ECE1: variants seen among roughly 807,000 people sequenced by gnomAD.
The protein encoded by ECE1 is endothelin converting enzyme 1, also known as endothelin-converting enzyme 1.
ECE1 carries 35 observed loss-of-function variants against 98.6 expected under a neutral mutation model. The ratio of observed to expected loss-of-function variants is 0.35; its 90% CI spans 0.27 to 0.47. ECE1 has a LOEUF of 0.47. Ranked by LOEUF, ECE1 falls within the 20% of genes least tolerant of loss-of-function variation. The probability of loss-of-function intolerance (pLI) is 1.00; values close to 1 mark genes in which losing one functional copy is unlikely to be tolerated. For missense variants in ECE1, 814 were observed against 1,025.3 expected (o/e 0.79, Z 2.81); for synonymous variants, 394 against 407.1 (o/e 0.97, Z 0.39).
rs540997474 is a variant in ECE1, at chr1:21,340,936, A to C, written c.3+4440T>G. Among the ~76,000 whole-genome samples the C allele has an allele frequency of 1.3e-5, 1 of 74,764 alleles. No individual in the cohort carries two copies. The highest frequency in any genetic ancestry group is 2.4e-4 in the East Asian group (1 of 4,206). The allele number at this position is 74,764 out of a possible 152,430, so 49.0% of individuals were successfully genotyped here. A position where few individuals can be genotyped will look rare whatever the true frequency, so the allele number is the denominator to read the frequency against. On this transcript the variant is annotated intron_variant, in intron 1 of 18. Coordinates refer to the ECE1 transcript ENST00000415912. The surrounding 1 kb of genome is among the most constrained non-coding windows in gnomAD (Gnocchi z 4.6). ...CCTTCATATGACCATCCCTGAGTGC[A>C]CCCTCCGGGCCACCTCCTAAGCACA...
intron 10 of ECE1, among the ~76,000 whole-genome samples, chr1:21,241,327 C>T (rs1225440508): frequency 1.3e-5 from 2 of 152,034 alleles, no homozygotes; most frequent in African/African-American, 2.4e-5. Flanking sequence ...TGAGCCACCG[C>T]ACCCAGTCTG....
At chr1:21,290,488 C>A, upstream of ECE1, 1 of 1,220,426 alleles carries the variant, frequency 8.2e-7, no homozygotes, top group South Asian at 4.1e-5. The surrounding 1 kb of genome is among the most constrained non-coding windows in gnomAD (Gnocchi z 7.3). Context: ...GTTGCACCAC[C>A]TTCGCGGGCG....
chr1:21,310,253 T>C (rs12756690), intron 1 of ECE1, among the ~76,000 whole-genome samples: 11,494 of 152,274 alleles, frequency 0.075, 592 homozygotes, highest in Middle Eastern at 0.14. Context: ...CCTTGTGTGT[T>C]ACCTTCACTC....
intron 11 of ECE1, among the ~76,000 whole-genome samples, chr1:21,237,195 T>G (rs1467695749): frequency 6.6e-6 from 1 of 152,162 alleles, no homozygotes; most frequent in African/African-American, 2.4e-5. Flanking sequence ...CTCCCAGCCT[T>G]ATTGCCTTAT....
At chr1:21,343,959 G>A (rs1339599067) in intron 1 of ECE1, among the ~76,000 whole-genome samples, 1 of 152,204 alleles carries the variant, frequency 6.6e-6, no homozygotes, top group Non-Finnish European at 1.5e-5. Flanking sequence ...CTGGTCCACA[G>A]ATAGTGCACT....
intron 1 of ECE1, among the ~76,000 whole-genome samples, chr1:21,343,118 C>T (rs144909200): frequency 6.6e-6 from 1 of 152,256 alleles, no homozygotes; most frequent in African/African-American, 2.4e-5. Flanking sequence ...CTCCATGAAG[C>T]TTTCTCTCGT....
intron 14 of ECE1, among the ~76,000 whole-genome samples, chr1:21,232,511 C>T (rs945326954): frequency 4.6e-5 from 7 of 151,854 alleles, no homozygotes; most frequent in African/African-American, 1.7e-4. Flanking sequence ...TGTCGCCCAA[C>T]CTGGTCTTGA....
chr1:21,262,407 A>G (rs570428415), intron 4 of ECE1, among the ~76,000 whole-genome samples: 2 of 152,342 alleles, frequency 1.3e-5, no homozygotes, highest in South Asian at 4.1e-4. Context: ...CGCCCCTCCC[A>G]GGGGCCTCGT....
chr1:21,345,306 C>A lies in ECE1; in HGVS notation c.3+70G>T. The A allele has an allele frequency of 7.5e-7, 1 of 1,328,806 alleles. No individual in the cohort carries two copies. The highest frequency in any genetic ancestry group is 2.7e-5 in the Admixed American group (1 of 36,552). 82.3% of individuals were successfully genotyped at this position (1,328,806 alleles called of 1,614,324 possible). A position where few individuals can be genotyped will look rare whatever the true frequency, so the allele number is the denominator to read the frequency against. On this transcript the variant is annotated intron_variant, in intron 1 of 18. Transcript: ENST00000415912. This position sits in a 1 kb window ranked among gnomAD's most constrained non-coding sequence, Gnocchi z 5.1. The stretch of plus-strand genomic sequence containing the variant: ...GAGCCAGGGCGGCCCCGGGTGCCAC[C>A]CGCGGCACCGCTGCCCGCGACCGTC...
chr1:21,220,251 T>G lies in ECE1; in HGVS notation c.2137-120A>C. ...TGGCTCACACCTGTAATCCCAGCAC[T>G]TTGGGAGCCAAGGTGGAAGGGCTGC... On this transcript the variant is annotated intron_variant, in intron 18 of 18. Transcript: ENST00000374893. The surrounding 1 kb of genome is among the most constrained non-coding windows in gnomAD (Gnocchi z 5.0). The G allele has an allele frequency of 1.7e-6, 2 of 1,165,140 alleles. No individual in the cohort carries two copies. Among genetic ancestry groups the G allele is most frequent in the Non-Finnish European group, 2.4e-6 (2 of 844,504 alleles). The allele number at this position is 1,165,140 out of a possible 1,614,324, so 72.2% of individuals were successfully genotyped here.
At chr1:21,245,217 T>G in intron 9 of ECE1, 114 bp from the exon 10 acceptor site, 1 of 864,630 alleles carries the variant, frequency 1.2e-6, no homozygotes, top group Non-Finnish European at 1.9e-6. Context: ...CCCAGGCCCC[T>G]TCCAGCCTGC....
chr1:21,244,894 C>T lies in ECE1; in HGVS notation c.1278+95G>A. 2.5e-6 allele frequency: 3 copies of T among 1,209,072 alleles called. No individual in the cohort carries two copies. The South Asian group carries it at 3.7e-5, about 15-fold the overall frequency. 74.9% of individuals were successfully genotyped at this position (1,209,072 alleles called of 1,614,324 possible). A position where few individuals can be genotyped will look rare whatever the true frequency, so the allele number is the denominator to read the frequency against. ...TCCTTCCGGAAGCTTCTACCCACCC[C>T]CAGCTGGCTGAGGTCCCTTCCTGTG... On this transcript the variant is annotated intron_variant, in intron 10 of 18. Coordinates refer to ENST00000374893, the MANE Select transcript of ECE1 (RefSeq NM_001397.3).
At chr1:21,276,818 C>T (rs1010778753) in intron 3 of ECE1, among the ~76,000 whole-genome samples, 23 of 152,006 alleles carry the variant, frequency 1.5e-4, no homozygotes, top group Non-Finnish European at 3.1e-4. Context: ...CTCGAGTAGC[C>T]GGTGTGCACC....
Position 21,228,583 on chromosome 1 carries a change from C to G in ECE1, c.1671-542G>C, listed in dbSNP as rs552337303. Among the ~76,000 whole-genome samples, 64 of 151,840 alleles carry G rather than the reference C, an allele frequency of 4.2e-4. 3 individuals carry two copies. The highest frequency in any genetic ancestry group is 7.2e-4 in the Admixed American group (11 of 15,236). On this transcript the variant is annotated intron_variant, in intron 14 of 18. Transcript: ENST00000374893. ...GGTGGATTACTTGAGGCCAGGAGTTCAAGACCAGCCTGGCCAACACGGCAA... is the reference window on the plus strand; with the variant it reads ...GGTGGATTACTTGAGGCCAGGAGTTGAAGACCAGCCTGGCCAACACGGCAA...
intron 1 of ECE1, among the ~76,000 whole-genome samples, chr1:21,301,424 G>T (rs1454605539): frequency 3.3e-5 from 5 of 152,116 alleles, no homozygotes; most frequent in Admixed American, 3.3e-4. Flanking sequence ...AACCCCAGGG[G>T]GCGGAGCCTG....
chr1:21,285,490 T>G (rs2098259462), intron 2 of ECE1, among the ~76,000 whole-genome samples: 1 of 152,092 alleles, frequency 6.6e-6, no homozygotes, highest in African/African-American at 2.4e-5. Context: ...AGACATGTCT[T>G]TTTAAAGTAT....
At chr1:21,254,699 T>C (rs965898405) in intron 8 of ECE1, among the ~76,000 whole-genome samples, 2 of 151,260 alleles carry the variant, frequency 1.3e-5, no homozygotes, top group African/African-American at 4.8e-5. Context: ...AACATCACCC[T>C]CAGCCTCCTG....
At chr1:21,304,277 C>T (rs373532773) in intron 1 of ECE1, among the ~76,000 whole-genome samples, 13 of 136,082 alleles carry the variant, frequency 9.6e-5, no homozygotes, top group East Asian at 9.3e-4. Flanking sequence ...GATCGCGCCA[C>T]GGCACTCCAG....
At position 21,258,283 on chromosome 1, in the gene ECE1, G is replaced by A. The variant is rs2098222465; in HGVS notation, c.762+410C>T. ...TCTCACTTCTGCATTGGAGGTTGGG[G>A]CAGACCAGTGCTGGAGCTCCCCTGG... On this transcript the variant is annotated intron_variant, in intron 6 of 18. Coordinates refer to ENST00000374893, the MANE Select transcript of ECE1 (RefSeq NM_001397.3). The surrounding 1 kb of genome is among the most constrained non-coding windows in gnomAD (Gnocchi z 4.2). 6.6e-6 allele frequency among the ~76,000 whole-genome samples: 1 copy of A among 152,220 alleles called. No homozygotes were observed. The highest frequency in any genetic ancestry group is 2.1e-4 in the South Asian group (1 of 4,832).
Sources: allele counts gnomAD v4.1 joint callset (sites outside exome capture counted in the v4.1 genomes callset), GRCh38; gene constraint gnomAD v4.1.1; non-coding constraint Gnocchi (gnomAD v3.1); transcripts MANE v1.5; gene names NCBI Gene and HGNC (gene_info 2026-07-23, HGNC 2026-07-21).